The following MYOZ1 variants were observed in gnomAD, a reference collection of about 807,000 sequenced individuals.
MYOZ1 encodes the protein myozenin-1.
In MYOZ1, 20 loss-of-function variants were observed where a neutral mutation model predicts 28.7. The observed-to-expected ratio is 0.70, with a 90% CI of 0.49 to 1.01. The LOEUF (loss-of-function observed/expected upper bound fraction) is 1.01. MYOZ1 is among the 50% of genes least tolerant of loss of function. The pLI is 0.00. For missense variants in MYOZ1, 371 were observed against 372.4 expected, an observed-to-expected ratio of 1.00 and a Z score of 0.03; for synonymous variants, 144 against 145.8, an observed-to-expected ratio of 0.99 and a Z score of 0.09.
At chr10:73,636,426 C>T (rs2081667586) in intron 3 of MYOZ1, among the ~76,000 whole-genome samples, 1 of 151,898 alleles carries the variant, frequency 6.6e-6, no homozygotes, top group South Asian at 2.1e-4. Flanking sequence ...TAGGATACCA[C>T]TTAAATTTGA....
At chr10:73,639,597 GAAGT>G (rs1006275338) in intron 2 of MYOZ1, among the ~76,000 whole-genome samples, 22 of 152,202 alleles carry the variant, frequency 1.4e-4, no homozygotes, top group African/African-American at 5.1e-4. Context: ...TCTGGGGAAA[GAAGT>G]AAGGGAAATT....
At chr10:73,636,610 C>G (rs1318393648) in intron 3 of MYOZ1, among the ~76,000 whole-genome samples, 1 of 152,112 alleles carries the variant, frequency 6.6e-6, no homozygotes, top group Non-Finnish European at 1.5e-5. Flanking sequence ...TGTGCGCCAC[C>G]AGACCCAGCT....
At chr10:73,632,271 G>T in intron 5 of MYOZ1, 110 bp from the exon 6 acceptor site, 2 of 981,438 alleles carry the variant, frequency 2.0e-6, no homozygotes, top group Non-Finnish European at 3.1e-6. Context: ...TCTAGTTTGG[G>T]ATTGCATCTG....
In MYOZ1 at chr10:73,639,964, C is replaced by A. The variant is rs113054407; in HGVS notation, c.54G>T (p.Leu18=). 2 of 1,613,988 alleles carry A rather than the reference C, an allele frequency of 1.2e-6. No individual in the cohort carries two copies. The highest frequency in any genetic ancestry group is 1.7e-6 in the Non-Finnish European group (2 of 1,179,952). Residue 18 remains leucine (L), a synonymous_variant, in exon 2 of 6, where the codon CTG becomes CTT. Transcript: ENST00000359322. Reference sequence around the variant, plus strand: ...TCCTACCTCCAGTGAGTTCCATGATCAGCTTGCTGGATTTCCTCTTCTTAT... The same window carrying A: ...TCCTACCTCCAGTGAGTTCCATGATAAGCTTGCTGGATTTCCTCTTCTTAT... ...APNKKRKSSK[L]IMELTGGGQE...
Position 73,638,552 on chromosome 10 carries a change from G to A in MYOZ1, c.74-630C>T, listed in dbSNP as rs1205904224. On this transcript the variant is annotated intron_variant, in intron 2 of 5. Transcript: ENST00000359322. ...TTTCACCATGTTGGCCAGGCTGGTCGCAAACTCCTGAGCTCAACTGACCTA... is the reference window on the plus strand; with the variant it reads ...TTTCACCATGTTGGCCAGGCTGGTCACAAACTCCTGAGCTCAACTGACCTA... 3.3e-5 allele frequency among the ~76,000 whole-genome samples: 5 copies of A among 149,896 alleles called. No individual in the cohort carries two copies. The South Asian group carries it at 6.3e-4, about 19-fold the overall frequency.
intron 4 of MYOZ1, 102 bp downstream of exon 4, chr10:73,634,382 T>G: frequency 7.2e-7 from 1 of 1,389,228 alleles, no homozygotes; most frequent in Non-Finnish European, 9.6e-7. Flanking sequence ...ATTAAGATAT[T>G]TAAACTGACC....
chr10:73,633,878 G>A, intron 5 of MYOZ1, 22 bp downstream of exon 5: 2 of 1,588,364 alleles, frequency 1.3e-6, no homozygotes, highest in South Asian at 1.1e-5. Context: ...AATGCATCTG[G>A]TTCCTTCCTC....
chr10:73,640,140 G>C (rs1477306347), intron 1 of MYOZ1, 105 bp from the exon 2 acceptor site: 1 of 911,830 alleles, frequency 1.1e-6, no homozygotes, highest in Non-Finnish European at 1.7e-6. Context: ...GGCTTGAGGG[G>C]ACAAAAAAAT....
intron 5 of MYOZ1, 38 bp downstream of exon 5, chr10:73,633,862 C>T (rs777907187): frequency 6.4e-7 from 1 of 1,570,200 alleles, no homozygotes; most frequent in Non-Finnish European, 8.6e-7. Flanking sequence ...CAGTGCCTCA[C>T]ACTAGAATGC....
Position 73,634,669 on chromosome 10 carries a change from G to A in MYOZ1, c.317C>T (p.Ser106Leu), listed in dbSNP as rs202128209. The change falls in exon 4 of 6, where the codon TCA becomes TTA. Residue 106 changes from serine to leucine, a missense_variant. By Grantham distance (145) the Ser-to-Leu change is moderately radical (BLOSUM62 -2). Transcript: ENST00000359322. ...GCCTCTGCCGTTGCTCTTGCTGTATGAGAATCCCTGACCAGCTGTGCCCAG... is the reference window on the plus strand; with the variant it reads ...GCCTCTGCCGTTGCTCTTGCTGTATAAGAATCCCTGACCAGCTGTGCCCAG... ...GQLGTAGQGF[S>L]YSKSNGRGGS... is the part of the protein sequence containing the mutation. 1.9e-5 allele frequency: 30 copies of A among 1,614,240 alleles called. No individual in the cohort carries two copies. Among genetic ancestry groups the A allele is most frequent in the Non-Finnish European group, 2.5e-5 (29 of 1,180,050 alleles).
intron 3 of MYOZ1, among the ~76,000 whole-genome samples, chr10:73,636,578 C>T (rs995693958): frequency 2.0e-5 from 3 of 152,064 alleles, no homozygotes; most frequent in Non-Finnish European, 2.9e-5. Flanking sequence ...ACCTCACCCT[C>T]CAGAGTAGCT....
chr10:73,637,999 C>T, intron 2 of MYOZ1, 77 bp from the exon 3 acceptor site: 3 of 1,342,876 alleles, frequency 2.2e-6, no homozygotes, highest in Non-Finnish European at 3.1e-6. Flanking sequence ...CAGACCTCAT[C>T]CACAACTAAG....
At position 73,634,544 on chromosome 10, in the gene MYOZ1, C is replaced by T. The variant is rs756180269; in HGVS notation, c.442G>A (p.Ala148Thr). Residue 148 changes from alanine (A) to threonine (T), a missense_variant, in exon 4 of 6, where the codon GCG becomes ACG. Coordinates refer to ENST00000359322, the MANE Select transcript of MYOZ1 (RefSeq NM_021245.4). ...GSGAGGTGGP[A>T]GQAGRGGAAG... ...GCTCCTCCTCTGCCAGCCTGGCCCG[C>T]GGGACCACCTGTACCCCCAGCTCCA... is the stretch of plus-strand genomic sequence containing the variant. The T allele has an allele frequency of 3.5e-5, 57 of 1,613,976 alleles. No homozygotes were observed. The highest frequency in any genetic ancestry group is 1.6e-4 in the Middle Eastern group (1 of 6,084).
intron 2 of MYOZ1, among the ~76,000 whole-genome samples, chr10:73,638,829 GTTAAT>G (rs907206627): frequency 5.3e-5 from 8 of 150,394 alleles, no homozygotes; most frequent in Non-Finnish European, 1.2e-4. Flanking sequence ...ACCATGCCCA[GTTAAT>G]TTTTCTATTT....
In MYOZ1 at chr10:73,637,862, A is replaced by G. The variant is rs760689184; in HGVS notation, c.134T>C (p.Met45Thr). The change falls in exon 3 of 6, where the codon ATG (methionine) becomes ACG (threonine). Residue 45 changes from methionine (M) to threonine (T), a missense_variant. Transcript: ENST00000359322. Reference protein sequence around the residue: ...GKKISVPRDVMLEELSLLTNR... With the variant: ...GKKISVPRDVTLEELSLLTNR... ...GGTAAGCAGCGACAGTTCCTCCAAC[A>G]TCACATCCCTTGGGACACTGATCTT... The G allele has an allele frequency of 1.1e-5, 17 of 1,614,086 alleles. No individual in the cohort carries two copies. The highest frequency in any genetic ancestry group is 1.4e-5 in the Non-Finnish European group (16 of 1,180,056).
In MYOZ1 at chr10:73,634,643, C is replaced by T. The variant is rs139908512; in HGVS notation, c.343G>A (p.Gly115Ser). ...GAGCCACTGCCCCCTGCCTGGCTGCCGCCTCTGCCGTTGCTCTTGCTGTAT... is the reference window on the plus strand; with the variant it reads ...GAGCCACTGCCCCCTGCCTGGCTGCTGCCTCTGCCGTTGCTCTTGCTGTAT... ...FSYSKSNGRG[G>S]SQAGGSGSAG... is the part of the protein sequence containing the mutation. Residue 115 changes from glycine to serine, a missense_variant, in exon 4 of 6, where the codon GGC becomes AGC. Physicochemically the swap from Gly to Ser is moderately conservative, Grantham distance 56. Transcript: ENST00000359322. The T allele has an allele frequency of 7.8e-4, 1,252 of 1,614,200 alleles. No homozygotes were observed. Among genetic ancestry groups the T allele is most frequent in the Non-Finnish European group, 9.1e-4 (1,075 of 1,180,028 alleles).
rs754347977 is a variant in MYOZ1 at position 73,631,974 on chromosome 10, C to T, written c.856G>A (p.Val286Met). 22 of 1,613,918 alleles carry T rather than the reference C, an allele frequency of 1.4e-5. No individual in the cohort carries two copies. The highest frequency in any genetic ancestry group is 1.2e-4 in the South Asian group (11 of 91,086). ...CCATCCAAGGGGATGCCAATATCCACGTTGTAGTCTACAGGCTCCCCAGAG... is the reference window on the plus strand; with the variant it reads ...CCATCCAAGGGGATGCCAATATCCATGTTGTAGTCTACAGGCTCCCCAGAG... Reference protein sequence around the residue: ...LSSGEPVDYNVDIGIPLDGET... With the variant: ...LSSGEPVDYNMDIGIPLDGET... Residue 286 changes from valine to methionine, a missense_variant, in exon 6 of 6, where the codon GTG (valine) becomes ATG (methionine). Physicochemically the swap from Val to Met is conservative, Grantham distance 21. Coordinates refer to ENST00000359322, the MANE Select transcript of MYOZ1 (RefSeq NM_021245.4).
intron 4 of MYOZ1, 22 bp downstream of exon 4, chr10:73,634,462 A>G: frequency 6.2e-7 from 1 of 1,612,898 alleles, no homozygotes; most frequent in South Asian, 1.1e-5. Flanking sequence ...CAAACACATT[A>G]CTCTTGGGTG....
At chr10:73,635,735 A>G (rs1412407372) in intron 3 of MYOZ1, among the ~76,000 whole-genome samples, 4 of 152,066 alleles carry the variant, frequency 2.6e-5, no homozygotes, top group Non-Finnish European at 4.4e-5. Flanking sequence ...CTTAATTACA[A>G]GGACTAGAGA....
Sources: gnomAD v4.1 joint callset for allele counts (sites outside exome capture counted in the v4.1 genomes callset) on GRCh38, gnomAD v4.1.1 for gene constraint, MANE v1.5 for transcripts, NCBI Gene and HGNC (gene_info 2026-07-23, HGNC 2026-07-21) for gene names.